Variants in SUGP1 observed in about 807,000 individuals in gnomAD.
SUGP1 encodes the protein SURP and G-patch domain containing 1.
A neutral mutation model predicts 76.5 loss-of-function variants in SUGP1; 34 were observed. The observed-to-expected ratio is 0.44, with a 90% CI of 0.34 to 0.59. The LOEUF is 0.59. Ranked by LOEUF, SUGP1 falls within the 20% of genes least tolerant of loss-of-function variation. SUGP1 has a pLI of 0.01. For missense variants in SUGP1, 752 were observed against 851.7 expected (o/e 0.88, Z 1.46); for synonymous variants, 326 against 326.2 (o/e 1.00, Z 0.01).
intron 1 of SUGP1, among the ~76,000 whole-genome samples, chr19:19,319,731 A>T (rs2061425115): frequency 6.9e-6 from 1 of 145,750 alleles, no homozygotes; most frequent in Non-Finnish European, 1.5e-5. Flanking sequence ...AAAAAAAAAG[A>T]AAGAAAGAAA....
In SUGP1 at chr19:19,297,075, C is replaced by A. The variant is rs1180756895; in HGVS notation, c.1157G>T (p.Arg386Leu). The A allele has an allele frequency of 1.9e-6, 3 of 1,613,582 alleles. No homozygotes were observed. The highest frequency in any genetic ancestry group is 1.1e-5 in the South Asian group (1 of 91,044). ...AATVKRKRKS[R>L]WGPEEDKVEL... The stretch of plus-strand genomic sequence containing the variant: ...TACCTTATCCTCTTCAGGCCCCCAC[C>A]GGCTCTTCCGCTTCCTCTTCACGGT... The change falls in exon 8 of 14, where the codon CGG becomes CTG. Residue 386 changes from arginine to leucine, a missense_variant. Arg to Leu is a moderately radical substitution (Grantham distance 102, BLOSUM62 -2). This residue lies in a region of SUGP1 where 620 missense variants were observed against 617.3 expected (regional missense o/e 1.00). Coordinates refer to ENST00000247001, the MANE Select transcript of SUGP1 (RefSeq NM_172231.4).
intron 2 of SUGP1, among the ~76,000 whole-genome samples, chr19:19,315,819 A>G (rs1187337658): frequency 2.0e-5 from 3 of 151,836 alleles, no homozygotes; most frequent in Non-Finnish European, 4.4e-5. Flanking sequence ...GTCACCCCAT[A>G]AGGGCAGAGG....
Position 19,276,543 on chromosome 19 carries a change from G to T in SUGP1, c.*105C>A. The stretch of plus-strand genomic sequence containing the variant: ...GATGAGCACTGGGACTTTATTACAC[G>T]GCACGGCACTCGTGACAACGGAAGG... On this transcript the variant is annotated 3_prime_UTR_variant, in exon 14 of 14. Transcript: ENST00000247001. 7.1e-7 allele frequency: 1 copy of T among 1,409,262 alleles called. No individual in the cohort carries two copies. The highest frequency in any genetic ancestry group is 1.0e-6 in the Non-Finnish European group (1 of 1,004,474). 87.3% of individuals were successfully genotyped at this position (1,409,262 alleles called of 1,614,324 possible).
chr19:19,302,047 C>T (rs1197392967), intron 7 of SUGP1: 4 of 622,290 alleles, frequency 6.4e-6, no homozygotes, highest in South Asian at 2.4e-5. Context: ...CCAAAGGCCC[C>T]GTGCACCTGC....
At chr19:19,294,916 A>T (rs566550954) in intron 8 of SUGP1, among the ~76,000 whole-genome samples, 1 of 152,318 alleles carries the variant, frequency 6.6e-6, no homozygotes, top group African/African-American at 2.4e-5. Context: ...GAGAGAAAGT[A>T]TTTGCAAATC....
At chr19:19,279,100 GC>G in intron 10 of SUGP1, 112 bp downstream of exon 10, 1 of 1,227,958 alleles carries the variant, frequency 8.1e-7, no homozygotes, top group South Asian at 1.5e-5. Flanking sequence ...CAGGCTGGGG[GC>G]TAAACCAGGA....
At chr19:19,317,895 C>A (rs2146633439) in intron 1 of SUGP1, among the ~76,000 whole-genome samples, 1 of 150,292 alleles carries the variant, frequency 6.7e-6, no homozygotes, top group Admixed American at 6.7e-5. Flanking sequence ...ATTGCAACCT[C>A]CACCTCCCAG....
chr19:19,318,039 G>A (rs1241994074), intron 1 of SUGP1, among the ~76,000 whole-genome samples: 3 of 150,560 alleles, frequency 2.0e-5, no homozygotes, highest in Non-Finnish European at 4.4e-5. Context: ...TCGAACTCCC[G>A]TCCTCAAGGG....
chr19:19,298,970 C>A (rs890440908), intron 7 of SUGP1, among the ~76,000 whole-genome samples: 2 of 152,104 alleles, frequency 1.3e-5, no homozygotes, highest in African/African-American at 4.8e-5. Context: ...AATGGTAGAC[C>A]CCCATGAGGG....
Position 19,303,723 on chromosome 19 carries a change from C to T in SUGP1, c.662+1G>A, listed in dbSNP as rs1292148346. On this transcript the variant is annotated splice_donor_variant, in intron 5 of 13. Transcript: ENST00000247001. LOFTEE classifies it high-confidence loss of function. Reference sequence around the variant, plus strand: ...GCCTTCCCTTCCCCGGAGATACTCACGCAAATGCTGGGTTATCCTTGTAGT... The same window carrying T: ...GCCTTCCCTTCCCCGGAGATACTCATGCAAATGCTGGGTTATCCTTGTAGT... 6.2e-7 allele frequency: 1 copy of T among 1,614,176 alleles called. No individual in the cohort carries two copies. Among genetic ancestry groups the T allele is most frequent in the Non-Finnish European group, 8.5e-7 (1 of 1,180,022 alleles).
chr19:19,309,159 G>A (rs1372035478), intron 3 of SUGP1, among the ~76,000 whole-genome samples: 4 of 152,052 alleles, frequency 2.6e-5, no homozygotes, highest in East Asian at 3.9e-4. Context: ...GAGCCACTGC[G>A]CCCAGCCTGC....
intron 6 of SUGP1, 96 bp from the exon 7 acceptor site, chr19:19,302,484 G>T: frequency 6.6e-7 from 1 of 1,518,002 alleles, no homozygotes; most frequent in South Asian, 1.3e-5. Context: ...GTTTGTTTTA[G>T]GAATGATGCA....
At chr19:19,284,897 G>A (rs534653959) in intron 8 of SUGP1, among the ~76,000 whole-genome samples, 2 of 148,150 alleles carry the variant, frequency 1.3e-5, no homozygotes, top group East Asian at 2.0e-4. Context: ...TTTTTTAGAT[G>A]GAGTCTCGCT....
At chr19:19,289,183 A>G (rs1289510720) in intron 8 of SUGP1, among the ~76,000 whole-genome samples, 1 of 152,198 alleles carries the variant, frequency 6.6e-6, no homozygotes, top group Non-Finnish European at 1.5e-5. Flanking sequence ...CAAACCTGTA[A>G]AGTAACACAG....
chr19:19,277,170 G>A (rs2061057299), intron 12 of SUGP1, 94 bp from the exon 13 acceptor site: 29 of 1,465,010 alleles, frequency 2.0e-5, no homozygotes, highest in Non-Finnish European at 2.5e-5. Context: ...CCTCCCGCGG[G>A]TGCAGGGCTG....
intron 3 of SUGP1, among the ~76,000 whole-genome samples, chr19:19,308,027 C>A (rs1019347565): frequency 6.6e-6 from 1 of 151,978 alleles, no homozygotes; most frequent in African/African-American, 2.4e-5. Context: ...TCTATGAATT[C>A]TTTTTTGTTT....
chr19:19,298,361 G>A (rs1187617320), intron 7 of SUGP1, among the ~76,000 whole-genome samples: 1 of 152,168 alleles, frequency 6.6e-6, no homozygotes, highest in Non-Finnish European at 1.5e-5. Context: ...AGCTGGGCGT[G>A]GTGGTACACG....
At chr19:19,284,689 C>T (rs558300944) in intron 8 of SUGP1, among the ~76,000 whole-genome samples, 19 of 152,168 alleles carry the variant, frequency 1.2e-4, no homozygotes, top group South Asian at 8.3e-4. Context: ...GGCGAAGGAG[C>T]GAAAGCTGGA....
At chr19:19,306,342 C>A (rs2061317921) in intron 3 of SUGP1, among the ~76,000 whole-genome samples, 1 of 152,222 alleles carries the variant, frequency 6.6e-6, no homozygotes, top group Admixed American at 6.5e-5. Flanking sequence ...TCGCGCTGCA[C>A]CCACAGACTG....
Sources: allele counts gnomAD v4.1 joint callset (sites outside exome capture counted in the v4.1 genomes callset), GRCh38; gene constraint gnomAD v4.1.1; regional missense constraint gnomAD v4.1.1; transcripts MANE v1.5; gene names NCBI Gene and HGNC (gene_info 2026-07-23, HGNC 2026-07-21).